Variants in C14orf39 observed in about 807,000 individuals in gnomAD.
C14orf39 encodes the protein protein SIX6OS1.
C14orf39 carries 66 observed loss-of-function variants against 85.6 expected under a neutral mutation model. That is an observed-to-expected ratio of 0.77 (90% confidence interval 0.63 to 0.95). The LOEUF (loss-of-function observed/expected upper bound fraction) is 0.95, where lower values mean the gene tolerates loss of function less well. C14orf39 is among the 40% of genes least tolerant of loss of function. C14orf39 has a pLI of 0.00. For missense variants in C14orf39, 735 were observed against 663.9 expected (o/e 1.11, Z -1.18); for synonymous variants, 242 against 214.0 (o/e 1.13, Z -1.14).
At chr14:60,504,882 C>T (rs564072409) in intron 1 of C14orf39, among the ~76,000 whole-genome samples, 1 of 152,266 alleles carries the variant, frequency 6.6e-6, no homozygotes, top group South Asian at 2.1e-4. Flanking sequence ...AACAGGTAGC[C>T]TAACATTTTT....
intron 1 of C14orf39, among the ~76,000 whole-genome samples, chr14:60,514,884 T>C (rs1178125269): frequency 1.3e-5 from 2 of 151,950 alleles, no homozygotes; most frequent in Non-Finnish European, 2.9e-5. Context: ...CGGCCGTGAA[T>C]GGGGGGTCTG....
intron 5 of C14orf39, among the ~76,000 whole-genome samples, chr14:60,478,052 G>A (rs1265388139): frequency 1.3e-5 from 2 of 151,536 alleles, no homozygotes; most frequent in Non-Finnish European, 2.9e-5. Context: ...GGTGGCGGGC[G>A]CCTGTAGTCC....
chr14:60,479,024 A>T (rs1007302808), intron 4 of C14orf39, among the ~76,000 whole-genome samples: 2 of 152,152 alleles, frequency 1.3e-5, no homozygotes, highest in African/African-American at 4.8e-5. Flanking sequence ...AGTATTTTTC[A>T]AATATTGCCT....
At chr14:60,509,734 G>A (rs1893261546) in intron 1 of C14orf39, 2 of 1,613,886 alleles carry the variant, frequency 1.2e-6, no homozygotes, top group South Asian at 2.2e-5. Flanking sequence ...CTGTGGACAA[G>A]TACCGAGTAA....
At chr14:60,446,962 C>T (rs997653139) in intron 16 of C14orf39, among the ~76,000 whole-genome samples, 18 of 152,144 alleles carry the variant, frequency 1.2e-4, no homozygotes, top group African/African-American at 4.3e-4. Flanking sequence ...ACGATTATCT[C>T]AATAGATGCA....
intron 1 of C14orf39, chr14:60,509,386 C>T (rs759405015): frequency 8.8e-6 from 14 of 1,598,288 alleles, no homozygotes; most frequent in Non-Finnish European, 1.0e-5. Flanking sequence ...TCGCCGCCGC[C>T]GGCACTGCCT....
intron 11 of C14orf39, among the ~76,000 whole-genome samples, chr14:60,462,373 A>G (rs1891573125): frequency 6.6e-6 from 1 of 152,154 alleles, no homozygotes; most frequent in Admixed American, 6.6e-5. Flanking sequence ...TGGAGGTGAC[A>G]CGGCAAGACT....
chr14:60,439,528 C>T (rs2140010968), intron 17 of C14orf39, among the ~76,000 whole-genome samples: 1 of 152,212 alleles, frequency 6.6e-6, no homozygotes, highest in East Asian at 1.9e-4. Context: ...AAAATTGTTA[C>T]CATGCTCCAA....
At chr14:60,449,516 C>T (rs1890940405) in intron 16 of C14orf39, among the ~76,000 whole-genome samples, 1 of 152,124 alleles carries the variant, frequency 6.6e-6, no homozygotes, top group South Asian at 2.1e-4. Flanking sequence ...CTTTATTACT[C>T]TAACCTTATA....
chr14:60,483,687 T>C lies in C14orf39; in HGVS notation c.233+4A>G. The C allele has an allele frequency of 6.3e-7, 1 of 1,576,456 alleles. No homozygotes were observed. Among genetic ancestry groups the C allele is most frequent in the Non-Finnish European group, 8.6e-7 (1 of 1,165,352 alleles). ...AATGAAAATTGATTCTTTCAAATAC[T>C]CACTTTCTACAGTTGTCTTTAATCT... On this transcript the variant is annotated splice_donor_region_variant and intron_variant, in intron 4 of 17. Coordinates refer to ENST00000321731, the MANE Select transcript of C14orf39 (RefSeq NM_174978.3).
At chr14:60,438,153 C>T (rs1336844356) in intron 17 of C14orf39, among the ~76,000 whole-genome samples, 4 of 151,834 alleles carry the variant, frequency 2.6e-5, no homozygotes, top group African/African-American at 4.8e-5. Flanking sequence ...TTTTAACTTT[C>T]ATATATTTAA....
At position 60,515,489 on chromosome 14, in the gene C14orf39, C is replaced by G. The variant is rs1192380897; in HGVS notation, c.-238G>C. 1 of 151,958 alleles carries G rather than the reference C, an allele frequency of 6.6e-6. No homozygotes were observed. The highest frequency in any genetic ancestry group is 1.5e-5 in the Non-Finnish European group (1 of 67,952). The allele number at this position is 151,958 out of a possible 1,614,324, so 9.4% of individuals were successfully genotyped here. A position where few individuals can be genotyped will look rare whatever the true frequency, so the allele number is the denominator to read the frequency against. ...TGACTCAGCGGCTCGAGGAGAGAAA[C>G]CTCTCAAAACCGGGGGACCGAGACG... On this transcript the variant is annotated 5_prime_UTR_variant, in exon 1 of 6. Transcript: ENST00000556799. The surrounding 1 kb of genome is among the most constrained non-coding windows in gnomAD (Gnocchi z 6.2).
intron 5 of C14orf39, among the ~76,000 whole-genome samples, chr14:60,473,227 C>T (rs896050992): frequency 2.0e-5 from 3 of 152,080 alleles, no homozygotes; most frequent in Admixed American, 6.6e-5. Context: ...CTGTTCATAT[C>T]CTTCACCCAC....
intron 11 of C14orf39, 76 bp downstream of exon 11, chr14:60,465,903 T>C: frequency 1.5e-6 from 1 of 658,410 alleles, no homozygotes; most frequent in Middle Eastern, 2.7e-4. Flanking sequence ...CGTCTGTGTC[T>C]TAAGGGCAGT....
intron 2 of C14orf39, chr14:60,494,387 C>A (rs1893036220): frequency 6.4e-6 from 1 of 157,096 alleles, no homozygotes; most frequent in South Asian, 1.9e-4. Context: ...TCTGAAGGCA[C>A]TAGCAGACAA....
At chr14:60,477,752 T>C (rs1892452400) in intron 5 of C14orf39, among the ~76,000 whole-genome samples, 3 of 152,232 alleles carry the variant, frequency 2.0e-5, no homozygotes, top group Admixed American at 2.0e-4. Flanking sequence ...GACTCTGCTA[T>C]AATAATTGCC....
At chr14:60,444,184 G>A (rs1950708377) in intron 16 of C14orf39, among the ~76,000 whole-genome samples, 1 of 152,128 alleles carries the variant, frequency 6.6e-6, no homozygotes, top group Non-Finnish European at 1.5e-5. Flanking sequence ...GAACAAAACT[G>A]GACAGAAAAT....
chr14:60,465,916 A>G (rs1891763663), intron 11 of C14orf39, 63 bp downstream of exon 11: 15 of 815,542 alleles, frequency 1.8e-5, no homozygotes, highest in South Asian at 4.0e-5. Flanking sequence ...AGGGCAGTAC[A>G]TTCATTATTA....
chr14:60,444,013 AG>A lies in C14orf39; in HGVS notation c.1504-1883del, dbSNP rs372684290. 9.6e-3 allele frequency among the ~76,000 whole-genome samples: 1,455 copies of A among 152,332 alleles called. 8 individuals are homozygous for A. Among genetic ancestry groups the A allele is most frequent in the Non-Finnish European group, 0.014 (937 of 68,026 alleles). ...AGGAATAGCATCAACATCAACAAAA[AG>A]GACATCCACACCAAAACCCCATCTG... On this transcript the variant is annotated intron_variant, in intron 16 of 17. Coordinates refer to ENST00000321731, the MANE Select transcript of C14orf39 (RefSeq NM_174978.3).
Sources: gnomAD v4.1 joint callset for allele counts (sites outside exome capture counted in the v4.1 genomes callset) on GRCh38, gnomAD v4.1.1 for gene constraint, Gnocchi (gnomAD v3.1) non-coding constraint, MANE v1.5 for transcripts, NCBI Gene and HGNC (gene_info 2026-07-23, HGNC 2026-07-21) for gene names.